Variants in SCAPER observed in about 807,000 individuals in gnomAD.
SCAPER encodes the protein S-phase cyclin A associated protein in the ER.
SCAPER carries 98 observed loss-of-function variants against 182.2 expected under a neutral mutation model. That is an observed-to-expected ratio of 0.54 (90% CI 0.46 to 0.64). SCAPER has a LOEUF of 0.64. SCAPER is among the 30% of genes least tolerant of loss of function. The pLI is 0.00. For missense variants in SCAPER, 1,432 were observed against 1,690.0 expected (o/e 0.85, Z 2.68); for synonymous variants, 605 against 564.6 (o/e 1.07, Z -1.01).
At chr15:76,635,187 C>G (rs1015730696) in intron 21 of SCAPER, among the ~76,000 whole-genome samples, 2 of 152,154 alleles carry the variant, frequency 1.3e-5, no homozygotes, top group Non-Finnish European at 2.9e-5. Context: ...AGTCTATAGG[C>G]CAGAACCTAT....
At chr15:76,588,144 G>C (rs745598745) in intron 22 of SCAPER, among the ~76,000 whole-genome samples, 2 of 152,034 alleles carry the variant, frequency 1.3e-5, no homozygotes, top group Non-Finnish European at 2.9e-5. Context: ...GAATGGTCTT[G>C]ATCTCCTGAC....
chr15:76,674,141 G>A (rs2057222205), intron 20 of SCAPER, among the ~76,000 whole-genome samples: 2 of 152,046 alleles, frequency 1.3e-5, no homozygotes, highest in Admixed American at 6.6e-5. Context: ...CTTTATAAAT[G>A]TATTACAAAT....
intron 16 of SCAPER, 71 bp from the exon 17 acceptor site, chr15:76,728,808 C>G (rs1306144496): frequency 2.0e-6 from 3 of 1,471,176 alleles, no homozygotes; most frequent in Non-Finnish European, 2.7e-6. Context: ...AGTAATATAC[C>G]TTTCACCAAA....
At chr15:76,836,874 A>G (rs2068999420) in intron 5 of SCAPER, among the ~76,000 whole-genome samples, 1 of 152,166 alleles carries the variant, frequency 6.6e-6, no homozygotes, top group African/African-American at 2.4e-5. Context: ...ACTCCATCTC[A>G]ATGAAAAAGA....
intron 15 of SCAPER, among the ~76,000 whole-genome samples, chr15:76,751,805 G>A (rs939969799): frequency 4.0e-5 from 6 of 151,538 alleles, no homozygotes; most frequent in African/African-American, 7.3e-5. Context: ...AAAGTGTCAC[G>A]ACACTAGATT....
chr15:76,420,697 C>T (rs536124460), intron 26 of SCAPER, among the ~76,000 whole-genome samples: 13 of 152,166 alleles, frequency 8.5e-5, no homozygotes, highest in Admixed American at 3.9e-4. Flanking sequence ...TGTATACATG[C>T]GCCATGTTGG....
intron 23 of SCAPER, among the ~76,000 whole-genome samples, chr15:76,539,671 G>A (rs1303271523): frequency 6.7e-6 from 1 of 148,684 alleles, no homozygotes; most frequent in Non-Finnish European, 1.5e-5. Flanking sequence ...TCAGCCTCCC[G>A]AGTAGCTGGG....
At chr15:76,681,384 G>A (rs1024655369) in intron 20 of SCAPER, among the ~76,000 whole-genome samples, 2 of 152,150 alleles carry the variant, frequency 1.3e-5, no homozygotes, top group African/African-American at 4.8e-5. Context: ...TTTAACAGAA[G>A]AAAATCCAGG....
chr15:76,769,507 G>A (rs2151303917), intron 10 of SCAPER, among the ~76,000 whole-genome samples: 1 of 150,278 alleles, frequency 6.7e-6, no homozygotes, highest in East Asian at 1.9e-4. Flanking sequence ...GTGGGCAAAG[G>A]ATATGAACAG....
chr15:76,720,700 T>C (rs915814363), intron 17 of SCAPER, among the ~76,000 whole-genome samples: 2 of 152,280 alleles, frequency 1.3e-5, no homozygotes, highest in Non-Finnish European at 2.9e-5. Context: ...CACTTTTTCA[T>C]GTGGTTCTTG....
At chr15:76,813,472 G>A (rs1036404793) in intron 5 of SCAPER, among the ~76,000 whole-genome samples, 1 of 150,964 alleles carries the variant, frequency 6.6e-6, no homozygotes, top group East Asian at 1.9e-4. Flanking sequence ...AAAAAAAAAA[G>A]AGAAAGAAAC....
intron 23 of SCAPER, among the ~76,000 whole-genome samples, chr15:76,536,296 C>T (rs1343555118): frequency 2.0e-5 from 3 of 152,072 alleles, no homozygotes; most frequent in Non-Finnish European, 2.9e-5. Flanking sequence ...GAGTTCACAT[C>T]CAGTCTGGGC....
At chr15:76,637,720 G>GA (rs1222606811) in intron 21 of SCAPER, among the ~76,000 whole-genome samples, 2 of 124,318 alleles carry the variant, frequency 1.6e-5, no homozygotes, top group African/African-American at 6.3e-5. Context: ...ATATATATGT[G>GA]ATTATATATA....
chr15:76,850,139 C>T (rs2070581778), intron 4 of SCAPER, among the ~76,000 whole-genome samples: 1 of 152,142 alleles, frequency 6.6e-6, no homozygotes, highest in African/African-American at 2.4e-5. Flanking sequence ...ATACCCATCC[C>T]CATGAAATCA....
intron 21 of SCAPER, among the ~76,000 whole-genome samples, chr15:76,630,507 C>T (rs2053007128): frequency 6.6e-6 from 1 of 152,108 alleles, no homozygotes; most frequent in African/African-American, 2.4e-5. Flanking sequence ...TCTCTTTGTT[C>T]TCATTGGTTT....
chr15:76,437,950 G>A lies in SCAPER; in HGVS notation c.3079-3640C>T, dbSNP rs567245379. On this transcript the variant is annotated intron_variant, in intron 25 of 31. Transcript: ENST00000563290. ...TAATTTCATAAAACTGTAACAAGAT[G>A]TGGTTTCTTGGTTTATAGAAACAGA... is the stretch of plus-strand genomic sequence containing the variant. 1.2e-4 allele frequency among the ~76,000 whole-genome samples: 18 copies of A among 152,208 alleles called. 1 individual carries two copies. The South Asian group carries it at 3.3e-3, about 28-fold the overall frequency.
intron 15 of SCAPER, among the ~76,000 whole-genome samples, chr15:76,744,867 G>A (rs1236345856): frequency 6.6e-6 from 1 of 152,040 alleles, no homozygotes; most frequent in East Asian, 1.9e-4. Flanking sequence ...CAATAGCAAA[G>A]ACATGGAATC....
At chr15:76,542,238 T>A (rs1178021857) in intron 23 of SCAPER, among the ~76,000 whole-genome samples, 3 of 152,020 alleles carry the variant, frequency 2.0e-5, no homozygotes, top group Non-Finnish European at 4.4e-5. Context: ...AATCCACAAC[T>A]CTGGCTGGGG....
At position 76,795,412 on chromosome 15, in the gene SCAPER, G is replaced by A. The variant is rs1240829129; in HGVS notation, c.640C>T (p.Arg214Cys). Residue 214 changes from arginine to cysteine, a missense_variant, in exon 8 of 32, where the codon CGT (arginine) becomes TGT (cysteine). Physicochemically the swap from Arg to Cys is radical, Grantham distance 180 (BLOSUM62 -3). Around this residue, in one of 5 missense-constraint regions of SCAPER, gnomAD observed 480 missense variants for 510.2 expected, o/e 0.94. Transcript: ENST00000563290. ...GGSTGTVPAPRLAPTGVSWAD... is the reference protein window; with the variant it reads ...GGSTGTVPAPCLAPTGVSWAD... ...CAACTGACACCTGTGGGAGCCAGAC[G>A]AGGAGCTGGCACTGTGCCAGTTGAA... 9 of 1,607,600 alleles carry A rather than the reference G, an allele frequency of 5.6e-6. No individual in the cohort carries two copies. The highest frequency in any genetic ancestry group is 6.0e-6 in the Non-Finnish European group (7 of 1,176,314).
Sources: allele counts gnomAD v4.1 joint callset (sites outside exome capture counted in the v4.1 genomes callset), GRCh38; gene constraint gnomAD v4.1.1; regional missense constraint gnomAD v4.1.1; transcripts MANE v1.5; gene names NCBI Gene and HGNC (gene_info 2026-07-23, HGNC 2026-07-21).